The following HSD17B4 variants were observed in gnomAD, a reference collection of about 807,000 sequenced individuals.
The protein encoded by HSD17B4 is hydroxysteroid 17-beta dehydrogenase 4, also known as peroxisomal multifunctional enzyme type 2.
In HSD17B4, 70 loss-of-function variants were observed where a neutral mutation model predicts 101.0. The observed-to-expected ratio is 0.69, with a 90% CI of 0.57 to 0.85. The LOEUF (loss-of-function observed/expected upper bound fraction) is 0.85. HSD17B4 is among the 40% of genes least tolerant of loss of function. The pLI, the probability that HSD17B4 is intolerant of heterozygous loss-of-function variation, is 0.00. For synonymous variants in HSD17B4, 347 were observed against 297.1 expected, an observed-to-expected ratio of 1.17 and a Z score of -1.73; for missense variants, 984 against 892.4, an observed-to-expected ratio of 1.10 and a Z score of -1.31.
At chr5:119,467,749 G>T (rs1755955483) in intron 2 of HSD17B4, among the ~76,000 whole-genome samples, 2 of 152,168 alleles carry the variant, frequency 1.3e-5, no homozygotes, top group Non-Finnish European at 2.9e-5. Flanking sequence ...GTATACGTGG[G>T]TTTCACAGGG....
chr5:119,453,459 G>C (rs185524141), intron 1 of HSD17B4, among the ~76,000 whole-genome samples: 318 of 152,286 alleles, frequency 2.1e-3, no homozygotes, highest in African/African-American at 7.1e-3. Context: ...TACCAACATA[G>C]ATGCTGTGCA....
intron 17 of HSD17B4, among the ~76,000 whole-genome samples, chr5:119,520,505 A>G (rs1199288724): frequency 1.3e-5 from 2 of 152,144 alleles, no homozygotes; most frequent in East Asian, 1.9e-4. Context: ...TCTAATCTAT[A>G]TTTGTAACTC....
At chr5:119,452,720 C>A (rs1160426145) in intron 1 of HSD17B4, 87 bp downstream of exon 1, 20 of 1,605,320 alleles carry the variant, frequency 1.2e-5, no homozygotes, top group Middle Eastern at 1.7e-4. Flanking sequence ...GCAGCCGCAG[C>A]TGAGGTCACC....
intron 17 of HSD17B4, among the ~76,000 whole-genome samples, chr5:119,517,590 G>A (rs1444273608): frequency 6.6e-6 from 1 of 152,254 alleles, no homozygotes; most frequent in Non-Finnish European, 1.5e-5. Context: ...GGGACATGGA[G>A]AACCTTTATG....
At position 119,525,228 on chromosome 5, in the gene HSD17B4, C is replaced by CAA. The variant is rs762489654; in HGVS notation, c.1516_1517insAA (p.Arg506GlnfsTer19). ...GCTTTCTCCACAGGCTGCTTTGTAC[C>CAA]GCCTCAGTGGAGACTGGAATCCCTT... On this transcript the variant is annotated frameshift_variant, in exon 18 of 24. Transcript: ENST00000510025. LOFTEE classifies it high-confidence loss of function. 5 of 1,611,136 alleles carry CAA rather than the reference C, an allele frequency of 3.1e-6. No homozygotes were observed. The highest frequency in any genetic ancestry group is 3.4e-6 in the Non-Finnish European group (4 of 1,177,796).
intron 16 of HSD17B4, 145 bp downstream of exon 16, chr5:119,509,389 G>A (rs1751961258): frequency 1.4e-6 from 1 of 723,050 alleles, no homozygotes; most frequent in South Asian, 1.4e-5. Flanking sequence ...GGGACACCAA[G>A]ACCAGTCCCT....
chr5:119,516,466 G>C (rs1752621752), intron 17 of HSD17B4, among the ~76,000 whole-genome samples: 1 of 151,638 alleles, frequency 6.6e-6, no homozygotes, highest in African/African-American at 2.4e-5. Flanking sequence ...TTTTTCAGAT[G>C]ACTAAAACTT....
chr5:119,496,168 G>C (rs547730673), intron 11 of HSD17B4, among the ~76,000 whole-genome samples: 1 of 152,180 alleles, frequency 6.6e-6, no homozygotes, highest in African/African-American at 2.4e-5. Context: ...ATGGAAATCA[G>C]TTGAGAGGAG....
intron 16 of HSD17B4, 71 bp downstream of exon 16, chr5:119,509,315 C>A: frequency 1.0e-6 from 1 of 977,722 alleles, no homozygotes; most frequent in Non-Finnish European, 1.7e-6. Flanking sequence ...GAGACTTGAA[C>A]AGCATGAGTT....
chr5:119,539,002 TA>T (rs1341655441), intron 23 of HSD17B4, among the ~76,000 whole-genome samples: 1 of 152,164 alleles, frequency 6.6e-6, no homozygotes, highest in African/African-American at 2.4e-5. Context: ...TCAGGTAGAT[TA>T]AAGCAAATAT....
chr5:119,509,940 A>C (rs1168114152), intron 16 of HSD17B4, among the ~76,000 whole-genome samples: 1 of 152,234 alleles, frequency 6.6e-6, no homozygotes, highest in Non-Finnish European at 1.5e-5. Flanking sequence ...ACAGTAGGCT[A>C]TCAGTTGTTA....
intron 2 of HSD17B4, among the ~76,000 whole-genome samples, chr5:119,458,505 C>A (rs1381049798): frequency 2.2e-5 from 3 of 136,640 alleles, no homozygotes; most frequent in African/African-American, 8.0e-5. Flanking sequence ...CCAAGCCTGG[C>A]TAATTTTTTT....
Position 119,471,843 on chromosome 5 carries a change from T to G in HSD17B4, c.113-2065T>G. On this transcript the variant is annotated intron_variant, in intron 2 of 23. Transcript: ENST00000510025. ...GATATTTGTTCTTATTTGATTATGT[T>G]GGCTTGGATATACACTTTATGCTAA... 5.6e-6 allele frequency: 3 copies of G among 539,964 alleles called. No individual in the cohort carries two copies. In the South Asian group the frequency reaches 8.6e-5, roughly 15 times the overall value. 33.4% of individuals were successfully genotyped at this position (539,964 alleles called of 1,614,324 possible). A position where few individuals can be genotyped will look rare whatever the true frequency, so the allele number is the denominator to read the frequency against.
At chr5:119,484,592 C>T (rs1749444942) in intron 8 of HSD17B4, among the ~76,000 whole-genome samples, 1 of 152,086 alleles carries the variant, frequency 6.6e-6, no homozygotes, top group African/African-American at 2.4e-5. Context: ...AGAAAATCTA[C>T]ATAATACTTT....
intron 14 of HSD17B4, 100 bp downstream of exon 14, chr5:119,502,192 T>G (rs1189243693): frequency 1.4e-5 from 11 of 796,826 alleles, no homozygotes; most frequent in Non-Finnish European, 1.1e-5. Context: ...AGTGACCTAA[T>G]GAAACATATC....
intron 8 of HSD17B4, among the ~76,000 whole-genome samples, chr5:119,480,302 C>T (rs879675148): frequency 4.6e-5 from 7 of 151,822 alleles, no homozygotes; most frequent in East Asian, 1.9e-4. Context: ...GGTCCTGCCC[C>T]GATAATTACG....
intron 2 of HSD17B4, chr5:119,471,537 A>C (rs1221471498): frequency 1.1e-5 from 5 of 469,166 alleles, no homozygotes; most frequent in East Asian, 3.5e-5. Context: ...CAGAAGAAAA[A>C]AAAATCTTGT....
chr5:119,531,800 T>G (rs1390085310), intron 22 of HSD17B4, among the ~76,000 whole-genome samples: 10 of 152,284 alleles, frequency 6.6e-5, no homozygotes, highest in East Asian at 3.9e-4. Flanking sequence ...AGTTACAAAA[T>G]TATTTTATTC....
intron 16 of HSD17B4, among the ~76,000 whole-genome samples, chr5:119,514,495 C>T (rs1486551833): frequency 2.0e-5 from 3 of 152,114 alleles, no homozygotes. Context: ...GACTTTTCAT[C>T]AAAAAGGAAT....
Sources: gnomAD v4.1 joint callset for allele counts (sites outside exome capture counted in the v4.1 genomes callset) on GRCh38, gnomAD v4.1.1 for gene constraint, MANE v1.5 for transcripts, NCBI Gene and HGNC (gene_info 2026-07-23, HGNC 2026-07-21) for gene names.